UPRT: variants seen among roughly 807,000 people sequenced by gnomAD.
The protein encoded by UPRT is uracil phosphoribosyltransferase homolog, also known as RP11-311P8.3.
A neutral mutation model predicts 22.6 loss-of-function variants in UPRT; 5 were observed. The observed-to-expected ratio is 0.22, with a 90% confidence interval of 0.12 to 0.47. The LOEUF (loss-of-function observed/expected upper bound fraction) is 0.47, where lower values mean the gene tolerates loss of function less well. Among genes scored for constraint, UPRT ranks in the 20% least tolerant of loss-of-function variants. UPRT has a pLI of 0.99. For missense variants in UPRT, 181 were observed against 239.9 expected, an observed-to-expected ratio of 0.75 and a Z score of 1.62; for synonymous variants, 77 against 87.7, an observed-to-expected ratio of 0.88 and a Z score of 0.68.
At chrX:75,290,132 A>G (rs1034634344) in intron 1 of UPRT, among the ~76,000 whole-genome samples, 1 of 112,104 alleles carries the variant, frequency 8.9e-6, no homozygotes, top group Non-Finnish European at 1.9e-5. Flanking sequence ...CCCCCTTAAA[A>G]AGGTGCAAAA....
At chrX:75,172,197 C>G (rs1033727171) in intron 4 of UPRT, among the ~76,000 whole-genome samples, 1 of 111,082 alleles carries the variant, frequency 9.0e-6, no homozygotes, top group Non-Finnish European at 1.9e-5. Flanking sequence ...AGAGAAAGAC[C>G]ATTAGGTGGG....
intron 4 of UPRT, among the ~76,000 whole-genome samples, chrX:75,250,827 A>G (rs2082526698): frequency 8.9e-6 from 1 of 112,021 alleles, no homozygotes; most frequent in African/African-American, 3.2e-5. Context: ...ATCCTGGAAA[A>G]CCAAATCCAG....
chrX:75,287,271 G>C (rs1435422223), intron 1 of UPRT, among the ~76,000 whole-genome samples: 3 of 111,853 alleles, frequency 2.7e-5, no homozygotes, highest in Non-Finnish European at 5.7e-5. Flanking sequence ...TCCCAGGGGA[G>C]AATCCCTCCA....
At chrX:75,245,266 T>TAAA (rs766688686) in intron 4 of UPRT, among the ~76,000 whole-genome samples, 6 of 65,485 alleles carry the variant, frequency 9.2e-5, no homozygotes, top group Non-Finnish European at 1.8e-4. Flanking sequence ...TACTAAAAAG[T>TAAA]AAAAAAAAAA....
At chrX:75,257,018 A>G (rs2082551725) in intron 4 of UPRT, among the ~76,000 whole-genome samples, 1 of 112,133 alleles carries the variant, frequency 8.9e-6, no homozygotes, top group African/African-American at 3.2e-5. Context: ...ATATAATTCT[A>G]TGAAGCCAGT....
rs372931406 is a variant in UPRT at position 75,284,702 on chromosome X, AG to A, written c.387-8762del. 1.1e-4 allele frequency among the ~76,000 whole-genome samples: 12 copies of A among 107,369 alleles called. No individual in the cohort carries two copies. The South Asian group carries it at 1.6e-3, about 14-fold the overall frequency. 93.2% of individuals were successfully genotyped at this position (107,369 alleles called of 115,157 possible). ...CAGTGCCTGTTCCAGTGGAGGTGGC[AG>A]GGGGGGGTGCAGTGGACTCCATTAT... On this transcript the variant is annotated intron_variant, in intron 1 of 6. Transcript: ENST00000373383.
rs1036592586 is a variant in UPRT at position 75,291,792 on chromosome X, G to T, written c.387-1680G>T. Reference sequence around the variant, plus strand: ...AGTAGAGTTACTTGGAGTGGTAAATGATTTTATTGGAGGTCAAATAGCTGT... The same window carrying T: ...AGTAGAGTTACTTGGAGTGGTAAATTATTTTATTGGAGGTCAAATAGCTGT... On this transcript the variant is annotated intron_variant, in intron 1 of 6. Transcript: ENST00000373383. Among the ~76,000 whole-genome samples the T allele has an allele frequency of 2.7e-5, 3 of 111,419 alleles. No individual in the cohort carries two copies. The East Asian group carries it at 8.4e-4, about 31-fold the overall frequency.
intron 2 of UPRT, 135 bp downstream of exon 2, chrX:75,293,649 T>A (rs987355453): frequency 1.6e-6 from 1 of 614,174 alleles, no homozygotes; most frequent in Non-Finnish European, 2.4e-6. Context: ...CTTGCTAGGC[T>A]AATGAAGTGT....
rs754931187 is a variant in UPRT at position 75,157,224 on chromosome X, C to T, written c.-737+674C>T. Among the ~76,000 whole-genome samples the T allele has an allele frequency of 8.9e-5, 10 of 112,104 alleles. No individual in the cohort carries two copies. In the South Asian group the frequency reaches 2.9e-3, roughly 33 times the overall value. ...GCAATTTTATATTCACTGCTGCATT[C>T]TCCAACTTTTCACACAAAAGAGACA... On this transcript the variant is annotated intron_variant, in intron 1 of 13. Coordinates refer to the UPRT transcript ENST00000652605.
chrX:75,293,555 A>G (rs2082715466), intron 2 of UPRT, 41 bp downstream of exon 2: 2 of 1,166,106 alleles, frequency 1.7e-6, no homozygotes, highest in Admixed American at 2.5e-5. Flanking sequence ...TGTTTTGCCT[A>G]GTGATATAAC....
chrX:75,156,373 C>T (rs2082179132), upstream of UPRT: 2 of 956,932 alleles, frequency 2.1e-6, no homozygotes, highest in African/African-American at 3.9e-5. Flanking sequence ...TTTCCCAGGG[C>T]CCCAGACCGG....
At position 75,214,956 on chromosome X, in the gene UPRT, AACACAC is replaced by A. The variant is rs56673150; in HGVS notation, c.-447+47115_-447+47120del. Reference sequence around the variant, plus strand: ...GGTAGATCTTATATTAAGTATTCTCAACACACACACACACACACACACACACACACA... The same window carrying A: ...GGTAGATCTTATATTAAGTATTCTCAACACACACACACACACACACACACA... On this transcript the variant is annotated intron_variant, in intron 4 of 13. Coordinates refer to the UPRT transcript ENST00000652605. 5.1e-4 allele frequency among the ~76,000 whole-genome samples: 51 copies of A among 99,046 alleles called. 1 individual carries two copies. The highest frequency in any genetic ancestry group is 1.8e-3 in the African/African-American group (45 of 24,927). 86.0% of individuals were successfully genotyped at this position (99,046 alleles called of 115,157 possible). A position where few individuals can be genotyped will look rare whatever the true frequency, so the allele number is the denominator to read the frequency against.
At chrX:75,217,747 T>C (rs2082397451) in intron 4 of UPRT, among the ~76,000 whole-genome samples, 1 of 112,153 alleles carries the variant, frequency 8.9e-6, no homozygotes, top group South Asian at 3.7e-4. Flanking sequence ...TCTGCAACTA[T>C]CTGATCTTTG....
Position 75,227,154 on chromosome X carries a change from A to C in UPRT, c.-447+59275A>C, listed in dbSNP as rs140861488. Among the ~76,000 whole-genome samples, 388 of 111,414 alleles carry C rather than the reference A, an allele frequency of 3.5e-3. 1 individual carries two copies. Among genetic ancestry groups the C allele is most frequent in the African/African-American group, 0.012 (373 of 30,695 alleles). On this transcript the variant is annotated intron_variant, in intron 4 of 13. Transcript: ENST00000652605. ...TAAATCACTTGACTTGGGCCATGGC[A>C]ATGCTTCCCAATGGCCATGGGCATA...
chrX:75,185,493 G>C (rs2082286794), intron 4 of UPRT, among the ~76,000 whole-genome samples: 1 of 111,676 alleles, frequency 9.0e-6, no homozygotes, highest in African/African-American at 3.3e-5. Context: ...TTTTTTGGTT[G>C]TGTCTCTGTC....
Position 75,252,270 on chromosome X carries a change from C to T in UPRT, c.-446-38754C>T, listed in dbSNP as rs777372848. On this transcript the variant is annotated intron_variant, in intron 4 of 13. Transcript: ENST00000652605. ...CAAAAGAAACTACCATCAGAGTGAACAGGTAACCTACAGAATGGGAGAAAA... is the reference window on the plus strand; with the variant it reads ...CAAAAGAAACTACCATCAGAGTGAATAGGTAACCTACAGAATGGGAGAAAA... Among the ~76,000 whole-genome samples, 3 of 111,855 alleles carry T rather than the reference C, an allele frequency of 2.7e-5. No homozygotes were observed. The South Asian group carries it at 1.1e-3, about 42-fold the overall frequency.
At chrX:75,265,686 A>T (rs752246446) in intron 4 of UPRT, among the ~76,000 whole-genome samples, 2 of 111,942 alleles carry the variant, frequency 1.8e-5, no homozygotes, top group East Asian at 5.6e-4. Context: ...AACTCTTCAA[A>T]GTCATTCTCT....
chrX:75,214,365 T>A (rs2082387245), intron 4 of UPRT, among the ~76,000 whole-genome samples: 1 of 112,501 alleles, frequency 8.9e-6, no homozygotes, highest in African/African-American at 3.2e-5. Flanking sequence ...TATGGATGAG[T>A]GTGGAGGATA....
chrX:75,189,170 T>G (rs1408597466), intron 4 of UPRT, among the ~76,000 whole-genome samples: 1 of 112,373 alleles, frequency 8.9e-6, no homozygotes, highest in African/African-American at 3.2e-5. Context: ...CCAGAGATTC[T>G]GGTATGTTGT....
Sources: allele counts gnomAD v4.1 joint callset (sites outside exome capture counted in the v4.1 genomes callset), GRCh38; gene constraint gnomAD v4.1.1; transcripts MANE v1.5; gene names NCBI Gene and HGNC (gene_info 2026-07-23, HGNC 2026-07-21).